The following EFCAB3 variants were observed in gnomAD, a reference collection of about 807,000 sequenced individuals.
The protein encoded by EFCAB3 is EF-hand calcium binding domain 3, also known as EF-hand calcium-binding domain-containing protein 3.
Under a neutral mutation model 42.2 loss-of-function variants are expected in EFCAB3, and 36 were observed. That is an observed-to-expected ratio of 0.85 (90% CI 0.65 to 1.13). The LOEUF (loss-of-function observed/expected upper bound fraction) is 1.13. Ranked by LOEUF, EFCAB3 falls within the 50% of genes most tolerant of loss-of-function variation. EFCAB3 has a pLI of 0.00. For missense variants in EFCAB3, 418 were observed against 505.1 expected, an observed-to-expected ratio of 0.83 and a Z score of 1.65; for synonymous variants, 170 against 172.8, an observed-to-expected ratio of 0.98 and a Z score of 0.13.
intron 2 of EFCAB3, among the ~76,000 whole-genome samples, chr17:62,385,941 A>C (rs1225722572): frequency 1.3e-5 from 2 of 148,864 alleles, no homozygotes; most frequent in South Asian, 2.1e-4. Flanking sequence ...GTTAGCCAGG[A>C]TGGTCTCGAT....
At chr17:62,378,019 G>C (rs2070163902), upstream of EFCAB3, 4 of 1,549,146 alleles carry the variant, frequency 2.6e-6, no homozygotes, top group South Asian at 3.6e-5. Context: ...GATATTAAAG[G>C]TGAGTGTGAA....
chr17:62,389,427 C>T (rs2070283790), intron 3 of EFCAB3, among the ~76,000 whole-genome samples: 1 of 152,044 alleles, frequency 6.6e-6, no homozygotes, highest in African/African-American at 2.4e-5. Context: ...GCCAGCAAGG[C>T]CCCAGATATC....
intron 8 of EFCAB3, among the ~76,000 whole-genome samples, chr17:62,408,876 G>A (rs1274832658): frequency 6.6e-6 from 1 of 152,054 alleles, no homozygotes; most frequent in Non-Finnish European, 1.5e-5. Flanking sequence ...CTGCTCTAAT[G>A]TTGTTCCTCA....
intron 3 of EFCAB3, 66 bp downstream of exon 3, chr17:62,387,482 T>TAGAG: frequency 7.5e-6 from 9 of 1,192,088 alleles, no homozygotes; most frequent in Non-Finnish European, 1.1e-5. Flanking sequence ...CTTTCTTCTC[T>TAGAG]AAGAAAGATC....
At chr17:62,414,205 G>A (rs374756250) in intron 9 of EFCAB3, among the ~76,000 whole-genome samples, 5 of 152,064 alleles carry the variant, frequency 3.3e-5, no homozygotes, top group African/African-American at 1.2e-4. Context: ...AGAATCTTAC[G>A]TCCTGAGGCC....
chr17:62,412,333 A>C (rs1037496968), intron 8 of EFCAB3, among the ~76,000 whole-genome samples: 1 of 139,946 alleles, frequency 7.1e-6, no homozygotes, highest in Non-Finnish European at 1.5e-5. Context: ...CCAAGATCCC[A>C]CCACTGCACT....
At position 62,416,073 on chromosome 17, in the gene EFCAB3, G is replaced by A. The variant is rs2070545084; in HGVS notation, c.1061G>A (p.Trp354Ter). 1.9e-6 allele frequency: 3 copies of A among 1,613,960 alleles called. No homozygotes were observed. The highest frequency in any genetic ancestry group is 2.5e-6 in the Non-Finnish European group (3 of 1,179,872). ...CACCGAAAAGAGATGCTAAACCTCTGGCAGAAGATCCGAGGGGATTTGATT... is the reference window on the plus strand; with the variant it reads ...CACCGAAAAGAGATGCTAAACCTCTAGCAGAAGATCCGAGGGGATTTGATT... ...LEHRKEMLNL[W>*]QKIRGDLIGM... Residue 354 changes from tryptophan (W) to a stop codon, truncating the protein, a stop_gained, in exon 10 of 10, where the codon TGG (tryptophan) becomes TAG (stop). Coordinates refer to ENST00000305286, the MANE Select transcript of EFCAB3 (RefSeq NM_173503.4). LOFTEE classifies it high-confidence loss of function.
At chr17:62,381,933 G>A (rs931989422) in intron 1 of EFCAB3, 21 of 317,086 alleles carry the variant, frequency 6.6e-5, no homozygotes, top group Middle Eastern at 1.1e-3. Flanking sequence ...TTCCACCCCC[G>A]CTGCAGCAGA....
intron 3 of EFCAB3, among the ~76,000 whole-genome samples, chr17:62,391,235 G>A (rs527269406): frequency 3.6e-4 from 55 of 152,172 alleles, no homozygotes; most frequent in Non-Finnish European, 6.9e-4. Flanking sequence ...GATCCACGAG[G>A]ATCTCCTGGA....
chr17:62,375,355 G>A (rs1464549108), intron 2 of EFCAB3, among the ~76,000 whole-genome samples: 1 of 152,088 alleles, frequency 6.6e-6, no homozygotes, highest in Non-Finnish European at 1.5e-5. Context: ...ATGTTCACTT[G>A]GTAGTTTTTA....
chr17:62,376,131 T>G (rs971073482), upstream of EFCAB3, among the ~76,000 whole-genome samples: 3 of 152,334 alleles, frequency 2.0e-5, no homozygotes, highest in African/African-American at 7.2e-5. Flanking sequence ...TTTCAAATAC[T>G]GGTTTCTATT....
chr17:62,399,194 T>A (rs1363827461), intron 6 of EFCAB3, among the ~76,000 whole-genome samples: 1 of 151,976 alleles, frequency 6.6e-6, no homozygotes, highest in African/African-American at 2.4e-5. Context: ...AAGTCTTTTT[T>A]TTTTTTCTTT....
At chr17:62,407,276 C>T in intron 8 of EFCAB3, 64 bp downstream of exon 8, 1 of 1,326,548 alleles carries the variant, frequency 7.5e-7, no homozygotes. Context: ...CTTAACAGAA[C>T]TAATGACATG....
At chr17:62,387,728 C>CCT (rs2070265962) in intron 3 of EFCAB3, among the ~76,000 whole-genome samples, 1 of 152,212 alleles carries the variant, frequency 6.6e-6, no homozygotes, top group Admixed American at 6.5e-5. Flanking sequence ...AACACAAACA[C>CCT]AGCTACAGTC....
At chr17:62,375,049 A>G (rs1175892476) in intron 2 of EFCAB3, among the ~76,000 whole-genome samples, 1 of 152,162 alleles carries the variant, frequency 6.6e-6, no homozygotes, top group Non-Finnish European at 1.5e-5. Context: ...AGGAGGTTGA[A>G]GCTGCAGTGA....
intron 2 of EFCAB3, among the ~76,000 whole-genome samples, chr17:62,375,390 C>A (rs139653857): frequency 1.3e-5 from 2 of 152,122 alleles, no homozygotes; most frequent in African/African-American, 2.4e-5. Flanking sequence ...AATCATACTG[C>A]CAATTGGAGA....
intron 1 of EFCAB3, among the ~76,000 whole-genome samples, chr17:62,371,018 G>A (rs563159948): frequency 6.6e-6 from 1 of 151,920 alleles, no homozygotes; most frequent in South Asian, 2.1e-4. Flanking sequence ...CTTGAGCCCA[G>A]GAATTCGAGA....
chr17:62,390,304 T>A (rs2070292561), intron 3 of EFCAB3, among the ~76,000 whole-genome samples: 2 of 152,152 alleles, frequency 1.3e-5, no homozygotes, highest in South Asian at 4.1e-4. Context: ...AGGGGATGAG[T>A]TCCAATCCAC....
chr17:62,397,636 G>T, intron 6 of EFCAB3: 1 of 601,584 alleles, frequency 1.7e-6, no homozygotes, highest in Non-Finnish European at 3.2e-6. Flanking sequence ...AGCTGATCAA[G>T]AATAGCAAGA....
Sources: gnomAD v4.1 joint callset for allele counts (sites outside exome capture counted in the v4.1 genomes callset) on GRCh38, gnomAD v4.1.1 for gene constraint, MANE v1.5 for transcripts, NCBI Gene and HGNC (gene_info 2026-07-23, HGNC 2026-07-21) for gene names.